UMAD1: variants seen among roughly 807,000 people sequenced by gnomAD.
UMAD1 encodes the protein UBAP1-MVB12-associated (UMA) domain containing 1.
Under a neutral mutation model 6.1 loss-of-function variants are expected in UMAD1, and 8 were observed. That is an observed-to-expected ratio of 1.30 (90% CI 0.76 to 2.35). The LOEUF is 2.35. UMAD1 is among the 30% of genes most tolerant of loss of function. UMAD1 has a pLI of 0.00. For synonymous variants in UMAD1, 56 were observed against 31.4 expected, an observed-to-expected ratio of 1.78 and a Z score of -2.61; for missense variants, 130 against 78.4, an observed-to-expected ratio of 1.66 and a Z score of -2.49.
At chr7:7,789,316 A>G (rs141382406) in intron 2 of UMAD1, among the ~76,000 whole-genome samples, 286 of 152,312 alleles carry the variant, frequency 1.9e-3, no homozygotes, top group African/African-American at 6.5e-3. Flanking sequence ...TTTTCCCTTT[A>G]AATACCTATT....
At chr7:7,681,089 A>G (rs1239256641) in intron 2 of UMAD1, among the ~76,000 whole-genome samples, 1 of 152,224 alleles carries the variant, frequency 6.6e-6, no homozygotes, top group African/African-American at 2.4e-5. Context: ...GTAAAAACTT[A>G]TAAACATGAT....
At chr7:7,806,475 C>G (rs1782915937) in intron 3 of UMAD1, among the ~76,000 whole-genome samples, 1 of 152,192 alleles carries the variant, frequency 6.6e-6, no homozygotes, top group South Asian at 2.1e-4. Flanking sequence ...ACCTCAGCAA[C>G]TATCACACTG....
intron 3 of UMAD1, among the ~76,000 whole-genome samples, chr7:7,862,041 G>C: frequency 6.6e-6 from 1 of 152,002 alleles, no homozygotes; most frequent in East Asian, 1.9e-4. Flanking sequence ...TCATACTTAG[G>C]TTATGAGAAT....
In UMAD1 at chr7:7,700,573, CAACA is replaced by C. The variant is rs529757342; in HGVS notation, c.82+27139_82+27142del. Among the ~76,000 whole-genome samples the C allele has an allele frequency of 3.8e-3, 579 of 151,884 alleles. 4 individuals carry two copies. Among genetic ancestry groups the C allele is most frequent in the African/African-American group, 0.013 (523 of 41,390 alleles). On this transcript the variant is annotated intron_variant, in intron 2 of 3. Transcript: ENST00000682710. ...GACCCCCATCTCTACAAAATAAAAA[CAACA>C]AACAAACAAACAAACAAAAACACCA...
chr7:7,762,510 ATAACT>A (rs1390067881), intron 2 of UMAD1, among the ~76,000 whole-genome samples: 2 of 152,088 alleles, frequency 1.3e-5, no homozygotes, highest in South Asian at 2.1e-4. Flanking sequence ...TGCTCTTCTG[ATAACT>A]TAACATTGAT....
At chr7:7,740,159 C>G (rs1477035076) in intron 2 of UMAD1, among the ~76,000 whole-genome samples, 5 of 152,198 alleles carry the variant, frequency 3.3e-5, no homozygotes, top group South Asian at 2.1e-4. Context: ...ACTGGCTTCT[C>G]TTTCTTTGTT....
chr7:7,847,056 TAAAA>T lies in UMAD1; in HGVS notation c.157-30208_157-30205del, dbSNP rs756458461. Reference sequence around the variant, plus strand: ...ATGTACCCTAAAACTTAGAGTATAATAAAAAAAAAAAAAAAAAAAAGACAGCAAT... The same window carrying T: ...ATGTACCCTAAAACTTAGAGTATAATAAAAAAAAAAAAAAAAGACAGCAAT... On this transcript the variant is annotated intron_variant, in intron 3 of 3. Coordinates refer to ENST00000682710, the MANE Select transcript of UMAD1 (RefSeq NM_001302348.2). Among the ~76,000 whole-genome samples the T allele has an allele frequency of 1.2e-3, 41 of 33,502 alleles. 5 individuals are homozygous for T. The highest frequency in any genetic ancestry group is 2.6e-3 in the African/African-American group (13 of 5,096). 22.0% of individuals were successfully genotyped at this position (33,502 alleles called of 152,430 possible).
chr7:7,854,866 G>A (rs560384784), intron 3 of UMAD1, among the ~76,000 whole-genome samples: 1 of 152,172 alleles, frequency 6.6e-6, no homozygotes, highest in African/African-American at 2.4e-5. Context: ...ATCAAAGCAG[G>A]TTAGTTGCTT....
At chr7:7,847,988 C>T (rs1297027777) in intron 3 of UMAD1, among the ~76,000 whole-genome samples, 1 of 152,034 alleles carries the variant, frequency 6.6e-6, no homozygotes, top group Non-Finnish European at 1.5e-5. Flanking sequence ...ATGTATCGAA[C>T]CAATATGAAT....
chr7:7,803,878 A>C (rs1317734412), intron 3 of UMAD1, among the ~76,000 whole-genome samples: 1 of 152,212 alleles, frequency 6.6e-6, no homozygotes, highest in Non-Finnish European at 1.5e-5. Flanking sequence ...GACACAAAGC[A>C]TTCAGACCAT....
At chr7:7,741,616 A>AT (rs201777841) in intron 2 of UMAD1, among the ~76,000 whole-genome samples, 16 of 148,114 alleles carry the variant, frequency 1.1e-4, no homozygotes, top group East Asian at 3.9e-4. Context: ...AATAATAATA[A>AT]AAATAATAAA....
At chr7:7,868,993 A>G (rs1784286930) in intron 3 of UMAD1, among the ~76,000 whole-genome samples, 1 of 152,196 alleles carries the variant, frequency 6.6e-6, no homozygotes, top group African/African-American at 2.4e-5. Flanking sequence ...AAGAGGAAAC[A>G]ATCTTTGCCG....
intron 2 of UMAD1, among the ~76,000 whole-genome samples, chr7:7,694,734 T>G (rs1234271090): frequency 6.6e-6 from 1 of 152,240 alleles, no homozygotes; most frequent in East Asian, 1.9e-4. Flanking sequence ...TCTTTATGGC[T>G]GAATAGTACT....
intron 3 of UMAD1, among the ~76,000 whole-genome samples, chr7:7,875,268 C>T (rs1417299042): frequency 6.6e-6 from 1 of 152,078 alleles, no homozygotes; most frequent in African/African-American, 2.4e-5. Flanking sequence ...TCTAACATAA[C>T]AATTAAAAGA....
intron 3 of UMAD1, among the ~76,000 whole-genome samples, chr7:7,840,688 A>G (rs1045341234): frequency 6.6e-6 from 1 of 152,198 alleles, no homozygotes; most frequent in African/African-American, 2.4e-5. Flanking sequence ...CATCATCATT[A>G]TTATTGACAG....
At chr7:7,668,212 C>T (rs1322273499) in intron 1 of UMAD1, among the ~76,000 whole-genome samples, 1 of 152,064 alleles carries the variant, frequency 6.6e-6, no homozygotes, top group African/African-American at 2.4e-5. Context: ...CATGCCTGGT[C>T]CTACTTTACT....
chr7:7,712,590 T>G (rs186159450), intron 2 of UMAD1, among the ~76,000 whole-genome samples: 1 of 152,356 alleles, frequency 6.6e-6, no homozygotes. Context: ...TTAGATTCTT[T>G]TGAATTTTCT....
At chr7:7,691,894 T>C (rs1780180587) in intron 2 of UMAD1, among the ~76,000 whole-genome samples, 1 of 152,228 alleles carries the variant, frequency 6.6e-6, no homozygotes. Context: ...AGTAGCTCAG[T>C]TTAGCCTTGA....
chr7:7,688,167 A>C (rs1213668287), intron 2 of UMAD1, among the ~76,000 whole-genome samples: 1 of 152,212 alleles, frequency 6.6e-6, no homozygotes, highest in Non-Finnish European at 1.5e-5. Context: ...CCTGCATTAC[A>C]TCAGATTCTC....
Sources: gnomAD v4.1 joint callset for allele counts (sites outside exome capture counted in the v4.1 genomes callset) on GRCh38, gnomAD v4.1.1 for gene constraint, MANE v1.5 for transcripts, NCBI Gene and HGNC (gene_info 2026-07-23, HGNC 2026-07-21) for gene names.